The following SUGCT variants were observed in gnomAD, a reference collection of about 807,000 sequenced individuals.
SUGCT encodes succinyl-CoA:glutarate CoA-transferase.
SUGCT carries 41 observed loss-of-function variants against 55.0 expected under a neutral mutation model. That is an observed-to-expected ratio of 0.74 (90% CI 0.58 to 0.97). The LOEUF (loss-of-function observed/expected upper bound fraction) is 0.97, where lower values mean the gene tolerates loss of function less well. SUGCT is among the 50% of genes least tolerant of loss of function. The pLI, the probability that SUGCT is intolerant of heterozygous loss-of-function variation, is 0.00. For synonymous variants in SUGCT, 187 were observed against 200.4 expected, an observed-to-expected ratio of 0.93 and a Z score of 0.56; for missense variants, 568 against 547.8, an observed-to-expected ratio of 1.04 and a Z score of -0.37.
At chr7:40,797,275 T>C (rs970402261) in intron 13 of SUGCT, among the ~76,000 whole-genome samples, 1 of 152,224 alleles carries the variant, frequency 6.6e-6, no homozygotes, top group Non-Finnish European at 1.5e-5. Context: ...AATACCTGCC[T>C]TATTTTCTCA....
chr7:40,453,960 A>C (rs1232094803), intron 10 of SUGCT, among the ~76,000 whole-genome samples: 3 of 152,228 alleles, frequency 2.0e-5, no homozygotes, highest in Admixed American at 2.0e-4. Context: ...AAGAAATATA[A>C]GATATGAAGA....
At chr7:40,467,067 T>C (rs1790152302) in intron 11 of SUGCT, among the ~76,000 whole-genome samples, 1 of 151,822 alleles carries the variant, frequency 6.6e-6, no homozygotes, top group South Asian at 2.1e-4. Flanking sequence ...CTGGGCATGG[T>C]GGTGCACGCC....
chr7:40,644,718 C>G (rs1307393328), intron 12 of SUGCT, among the ~76,000 whole-genome samples: 1 of 152,192 alleles, frequency 6.6e-6, no homozygotes, highest in Non-Finnish European at 1.5e-5. Context: ...AGTTTGGCAG[C>G]TCCTCGAATT....
At chr7:40,363,523 C>A (rs565492428) in intron 9 of SUGCT, among the ~76,000 whole-genome samples, 1 of 152,138 alleles carries the variant, frequency 6.6e-6, no homozygotes, top group Non-Finnish European at 1.5e-5. Context: ...TCTTTGTTCT[C>A]GCTGGTTTCA....
intron 12 of SUGCT, among the ~76,000 whole-genome samples, chr7:40,528,858 T>C (rs532125489): frequency 6.6e-6 from 1 of 152,346 alleles, no homozygotes; most frequent in South Asian, 2.1e-4. Context: ...AGTCATCATT[T>C]GGCTTTGATC....
intron 12 of SUGCT, among the ~76,000 whole-genome samples, chr7:40,617,002 T>C (rs1288595380): frequency 1.3e-5 from 2 of 152,268 alleles, no homozygotes; most frequent in African/African-American, 4.8e-5. Flanking sequence ...GGCATAATTA[T>C]GACTTTTTTC....
chr7:40,214,604 A>C (rs1002947180), intron 6 of SUGCT, among the ~76,000 whole-genome samples: 7 of 152,032 alleles, frequency 4.6e-5, no homozygotes, highest in African/African-American at 1.7e-4. Flanking sequence ...TGTGGGTCTA[A>C]ATTGAGATTC....
At chr7:40,294,306 AC>A (rs1380187881) in intron 8 of SUGCT, among the ~76,000 whole-genome samples, 2 of 152,150 alleles carry the variant, frequency 1.3e-5, no homozygotes, top group Non-Finnish European at 2.9e-5. Flanking sequence ...AACTGAGGCA[AC>A]GAAGATATGG....
the SUGCT span, among the ~76,000 whole-genome samples, chr7:40,913,469 A>G: frequency 6.6e-6 from 1 of 152,330 alleles, no homozygotes; most frequent in South Asian, 2.1e-4. Flanking sequence ...TGAAAATTCA[A>G]TTTCAAGATA....
intron 12 of SUGCT, among the ~76,000 whole-genome samples, chr7:40,711,371 A>G (rs200709197): frequency 1.3e-5 from 2 of 152,088 alleles, no homozygotes; most frequent in African/African-American, 4.8e-5. Context: ...TTAGGTGGGC[A>G]TGGTGGCGCA....
At chr7:40,532,374 T>A (rs1794145120) in intron 12 of SUGCT, among the ~76,000 whole-genome samples, 1 of 152,274 alleles carries the variant, frequency 6.6e-6, no homozygotes, top group South Asian at 2.1e-4. Flanking sequence ...TTAATTCCCC[T>A]AAGGAGAGGC....
intron 12 of SUGCT, among the ~76,000 whole-genome samples, chr7:40,587,321 A>G (rs536427960): frequency 6.6e-6 from 1 of 152,342 alleles, no homozygotes; most frequent in Non-Finnish European, 1.5e-5. Flanking sequence ...TTGAATGATA[A>G]ACAAAGACAG....
At position 40,198,732 on chromosome 7, in the gene SUGCT, G is replaced by C. The variant is rs181837361; in HGVS notation, c.484+3672G>C. Among the ~76,000 whole-genome samples, 669 of 139,230 alleles carry C rather than the reference G, an allele frequency of 4.8e-3. 9 individuals are homozygous for C. The highest frequency in any genetic ancestry group is 0.02 in the African/African-American group (646 of 31,608). The allele number at this position is 139,230 out of a possible 152,430, so 91.3% of individuals were successfully genotyped here. Reference sequence around the variant, plus strand: ...CAAAAATTAGCTGGGTATGGTGGTGGGTGACTGTAATCCCAACACTTTGAG... The same window carrying C: ...CAAAAATTAGCTGGGTATGGTGGTGCGTGACTGTAATCCCAACACTTTGAG... On this transcript the variant is annotated intron_variant, in intron 6 of 13. Transcript: ENST00000335693.
chr7:40,203,269 A>C (rs759264635), intron 6 of SUGCT, among the ~76,000 whole-genome samples: 2 of 152,250 alleles, frequency 1.3e-5, no homozygotes, highest in Non-Finnish European at 2.9e-5. Flanking sequence ...AACTGGTTTC[A>C]TAATCTTTTA....
chr7:40,307,812 A>AT (rs1222056781), intron 8 of SUGCT, among the ~76,000 whole-genome samples: 1 of 98,520 alleles, frequency 1.0e-5, no homozygotes, highest in Non-Finnish European at 2.7e-5. Flanking sequence ...TTATTCTGAA[A>AT]AAACTGTTCA....
chr7:40,166,626 C>A (rs913024891), intron 1 of SUGCT, among the ~76,000 whole-genome samples: 2 of 152,294 alleles, frequency 1.3e-5, no homozygotes, highest in South Asian at 2.1e-4. Flanking sequence ...GTGGCTCCCA[C>A]CTGTAATCCC....
chr7:40,968,885 C>G, the SUGCT span, among the ~76,000 whole-genome samples: 2 of 152,126 alleles, frequency 1.3e-5, no homozygotes, highest in Non-Finnish European at 2.9e-5. Context: ...GGGTGGAAGT[C>G]CCCTCCTCAC....
rs184484106 is a variant in SUGCT, at chr7:40,163,585, A to G, written c.101-17362A>G. On this transcript the variant is annotated intron_variant, in intron 1 of 13. Coordinates refer to ENST00000335693, the MANE Select transcript of SUGCT (RefSeq NM_001193313.2). ...GCGCCACTGCACTCCAGCCTGGGTGATAGAGCGAGACTCTGTCTCAGAAAA... is the reference window on the plus strand; with the variant it reads ...GCGCCACTGCACTCCAGCCTGGGTGGTAGAGCGAGACTCTGTCTCAGAAAA... 7.4e-5 allele frequency among the ~76,000 whole-genome samples: 11 copies of G among 148,292 alleles called. No homozygotes were observed. The East Asian group carries it at 2.2e-3, about 30-fold the overall frequency.
intron 8 of SUGCT, among the ~76,000 whole-genome samples, chr7:40,283,794 C>T (rs948612879): frequency 1.7e-4 from 26 of 152,014 alleles, no homozygotes; most frequent in African/African-American, 6.3e-4. Context: ...AGTAGAACTA[C>T]CATATGATCT....
Sources: allele counts gnomAD v4.1 joint callset (sites outside exome capture counted in the v4.1 genomes callset), GRCh38; gene constraint gnomAD v4.1.1; transcripts MANE v1.5; gene names NCBI Gene and HGNC (gene_info 2026-07-23, HGNC 2026-07-21).